The following UPRT variants were observed in gnomAD, a reference collection of about 807,000 sequenced individuals.
The protein encoded by UPRT is uracil phosphoribosyltransferase homolog.
In UPRT, 5 loss-of-function variants were observed where a neutral mutation model predicts 22.6. The ratio of observed to expected loss-of-function variants is 0.22; its 90% CI spans 0.12 to 0.47. UPRT has a LOEUF of 0.47. Among genes scored for constraint, UPRT ranks in the 20% least tolerant of loss-of-function variants. The probability of loss-of-function intolerance (pLI) is 0.99; values close to 1 mark genes in which losing one functional copy is unlikely to be tolerated. For synonymous variants in UPRT, 77 were observed against 87.7 expected, an observed-to-expected ratio of 0.88 and a Z score of 0.68; for missense variants, 181 against 239.9, an observed-to-expected ratio of 0.75 and a Z score of 1.62.
chrX:75,196,405 C>T (rs1355611965), intron 4 of UPRT, among the ~76,000 whole-genome samples: 4 of 112,180 alleles, frequency 3.6e-5, no homozygotes, highest in Admixed American at 9.4e-5. Context: ...AAGTCTGAGA[C>T]GAATTATTGA....
intron 4 of UPRT, among the ~76,000 whole-genome samples, chrX:75,237,626 T>G: frequency 9.1e-6 from 1 of 110,273 alleles, no homozygotes; most frequent in Admixed American, 9.6e-5. Flanking sequence ...CCATAAAAAA[T>G]GATGAATTCA....
At chrX:75,249,907 C>A (rs1346388891) in intron 4 of UPRT, among the ~76,000 whole-genome samples, 1 of 111,652 alleles carries the variant, frequency 9.0e-6, no homozygotes, top group Non-Finnish European at 1.9e-5. Context: ...TTAACAAACT[C>A]ACTCAAAACT....
At chrX:75,283,993 T>G (rs2082669524) in intron 1 of UPRT, among the ~76,000 whole-genome samples, 1 of 111,864 alleles carries the variant, frequency 8.9e-6, no homozygotes, top group African/African-American at 3.2e-5. Context: ...TCATATTTTC[T>G]TATTCTTTTT....
At chrX:75,289,574 A>G (rs749500946) in intron 1 of UPRT, among the ~76,000 whole-genome samples, 1 of 112,040 alleles carries the variant, frequency 8.9e-6, no homozygotes, top group Non-Finnish European at 1.9e-5. Context: ...ACAAGGCCAC[A>G]GTAACCAAAA....
rs990924971 is a variant in UPRT, at chrX:75,191,955, G to A, written c.-447+24076G>A. ...TGCTTTGGCTCTCGCTTGGTGGGCT[G>A]CACCCACTCTCCTGCACCCACTGTC... On this transcript the variant is annotated intron_variant, in intron 4 of 13. Transcript: ENST00000652605. 1.1e-4 allele frequency among the ~76,000 whole-genome samples: 12 copies of A among 111,248 alleles called. 1 individual carries two copies. Among genetic ancestry groups the A allele is most frequent in the Admixed American group, 4.7e-4 (5 of 10,572 alleles).
At chrX:75,295,001 T>G (rs778725858) in intron 2 of UPRT, among the ~76,000 whole-genome samples, 1 of 111,174 alleles carries the variant, frequency 9.0e-6, no homozygotes, top group South Asian at 3.8e-4. Flanking sequence ...GATTTGGATC[T>G]CTCTCTGTTC....
At chrX:75,235,605 A>C (rs1445560622) in intron 4 of UPRT, among the ~76,000 whole-genome samples, 14 of 111,921 alleles carry the variant, frequency 1.3e-4, no homozygotes. Context: ...CACCATGATC[A>C]AGTGGGCTTC....
In UPRT at chrX:75,280,194, T is replaced by C. The variant is rs533132064; in HGVS notation, c.386+5554T>C. Among the ~76,000 whole-genome samples the C allele has an allele frequency of 7.2e-5, 8 of 110,432 alleles. No homozygotes were observed. The South Asian group carries it at 3.1e-3, about 43-fold the overall frequency. ...GGATATTAGTCCTTTGTCAGATGTA[T>C]AGATTGTGAAGATTTTCTCCCACTA... On this transcript the variant is annotated intron_variant, in intron 1 of 6. Coordinates refer to ENST00000373383, the MANE Select transcript of UPRT (RefSeq NM_145052.4).
intron 4 of UPRT, among the ~76,000 whole-genome samples, chrX:75,219,870 A>T (rs1263045038): frequency 2.7e-5 from 3 of 111,956 alleles, no homozygotes; most frequent in Non-Finnish European, 5.6e-5. Context: ...ATATAACATA[A>T]ATAATGTGTA....
chrX:75,300,867 G>T lies in UPRT; in HGVS notation c.725G>T (p.Ser242Ile). The change falls in exon 6 of 7, where the codon AGC becomes ATC. Residue 242 changes from serine to isoleucine, a missense_variant and splice_region_variant. By Grantham distance (142) the Ser-to-Ile change is moderately radical. Transcript: ENST00000373383. ...TCATTTGGTTATCTTTTGATTTCAG[G>T]CACTGGAAATACTGTAATTGAAGCT... ...RKVLLMYPIL[S>I]TGNTVIEAVK... is the part of the protein sequence containing the mutation. The T allele has an allele frequency of 2.5e-6, 3 of 1,188,054 alleles. No homozygotes were observed. The highest frequency in any genetic ancestry group is 3.4e-6 in the Non-Finnish European group (3 of 882,107).
At chrX:75,203,434 G>C (rs2147624069) in intron 4 of UPRT, among the ~76,000 whole-genome samples, 1 of 107,969 alleles carries the variant, frequency 9.3e-6, no homozygotes, top group South Asian at 4.2e-4. Context: ...ACTCAGCTCT[G>C]GATCAGGTGG....
At chrX:75,172,317 G>A (rs943169868) in intron 4 of UPRT, among the ~76,000 whole-genome samples, 23 of 111,101 alleles carry the variant, frequency 2.1e-4, no homozygotes, top group African/African-American at 6.2e-4. Context: ...GTTCCCAGGA[G>A]GATTATGGCT....
chrX:75,260,071 C>T (rs1360583764), intron 4 of UPRT, among the ~76,000 whole-genome samples: 2 of 111,884 alleles, frequency 1.8e-5, no homozygotes, highest in African/African-American at 6.5e-5. Flanking sequence ...GATTTTATCA[C>T]CACCAGGCCT....
intron 4 of UPRT, among the ~76,000 whole-genome samples, chrX:75,259,717 A>G (rs1020643254): frequency 1.8e-5 from 2 of 111,356 alleles, no homozygotes; most frequent in Non-Finnish European, 3.8e-5. Context: ...TCCCCAACAT[A>G]GCAAGACATG....
At chrX:75,252,256 AC>A (rs1199175386) in intron 4 of UPRT, among the ~76,000 whole-genome samples, 1 of 112,112 alleles carries the variant, frequency 8.9e-6, no homozygotes, top group Non-Finnish European at 1.9e-5. Context: ...AAAAGAAACT[AC>A]CATCAGAGTG....
At chrX:75,219,167 C>T (rs1026100291) in intron 4 of UPRT, among the ~76,000 whole-genome samples, 2 of 112,081 alleles carry the variant, frequency 1.8e-5, no homozygotes, top group African/African-American at 6.5e-5. Context: ...AATTCTCTGC[C>T]TAACAGCTCA....
intron 4 of UPRT, among the ~76,000 whole-genome samples, chrX:75,264,585 C>T (rs1222636824): frequency 9.0e-6 from 1 of 111,522 alleles, no homozygotes; most frequent in Admixed American, 9.5e-5. Context: ...GGTAGAACTT[C>T]CTCCATCCCT....
intron 4 of UPRT, among the ~76,000 whole-genome samples, chrX:75,235,198 A>G (rs1367189864): frequency 6.3e-5 from 7 of 111,997 alleles, no homozygotes; most frequent in Non-Finnish European, 1.3e-4. Context: ...AGAAATGGAT[A>G]AATTCCTGGA....
intron 4 of UPRT, among the ~76,000 whole-genome samples, chrX:75,194,767 C>G (rs1487477012): frequency 9.0e-6 from 1 of 110,950 alleles, no homozygotes; most frequent in African/African-American, 3.3e-5. Context: ...TGTGTAGGGC[C>G]AAGGTGCTGG....
Sources: allele counts gnomAD v4.1 joint callset (sites outside exome capture counted in the v4.1 genomes callset), GRCh38; gene constraint gnomAD v4.1.1; transcripts MANE v1.5; gene names NCBI Gene and HGNC (gene_info 2026-07-23, HGNC 2026-07-21).